The following DPP10 variants were observed in gnomAD, a reference collection of about 807,000 sequenced individuals.
DPP10 encodes inactive dipeptidyl peptidase 10.
DPP10 carries 33 observed loss-of-function variants against 120.9 expected under a neutral mutation model. That is an observed-to-expected ratio of 0.27 (90% CI 0.21 to 0.37). DPP10 has a LOEUF of 0.37. Among genes scored for constraint, DPP10 ranks in the 10% least tolerant of loss-of-function variants. The pLI, the probability that DPP10 is intolerant of heterozygous loss-of-function variation, is 1.00. For missense variants in DPP10, 816 were observed against 942.8 expected (o/e 0.87, Z 1.76); for synonymous variants, 337 against 326.1 (o/e 1.03, Z -0.36).
chr2:114,478,356 G>A (rs1422184024), intron 1 of DPP10, among the ~76,000 whole-genome samples: 6 of 151,948 alleles, frequency 3.9e-5, no homozygotes, highest in African/African-American at 1.5e-4. Flanking sequence ...TAATTTAACA[G>A]AATCTGATAT....
intron 1 of DPP10, among the ~76,000 whole-genome samples, chr2:114,518,064 T>A (rs1684748525): frequency 6.9e-6 from 1 of 144,110 alleles, no homozygotes; most frequent in South Asian, 2.2e-4. Flanking sequence ...TAGTATGAGC[T>A]ATTCATTTTT....
chr2:115,666,890 A>G (rs1451476776), intron 5 of DPP10, among the ~76,000 whole-genome samples: 1 of 152,074 alleles, frequency 6.6e-6, no homozygotes, highest in Non-Finnish European at 1.5e-5. Flanking sequence ...ATAAGCGTTC[A>G]CTTTTCTCTG....
intron 1 of DPP10, among the ~76,000 whole-genome samples, chr2:114,958,682 G>C (rs1284976893): frequency 6.6e-6 from 1 of 152,012 alleles, no homozygotes; most frequent in African/African-American, 2.4e-5. Context: ...AAATTAAATT[G>C]TTTTGATGGT....
intron 3 of DPP10, among the ~76,000 whole-genome samples, chr2:115,434,800 A>G (rs2071334581): frequency 6.6e-6 from 1 of 151,680 alleles, no homozygotes; most frequent in Non-Finnish European, 1.5e-5. Flanking sequence ...GCATTTTTGT[A>G]ACCATTAACC....
chr2:114,717,976 G>C (rs924948967), intron 1 of DPP10, among the ~76,000 whole-genome samples: 1 of 151,708 alleles, frequency 6.6e-6, no homozygotes. Context: ...TTGCTTAGTT[G>C]TATTTATTAC....
chr2:114,599,983 T>C (rs892041975), intron 1 of DPP10, among the ~76,000 whole-genome samples: 1 of 151,808 alleles, frequency 6.6e-6, no homozygotes, highest in Non-Finnish European at 1.5e-5. Context: ...TTTAGAAATA[T>C]GACTATTATG....
At chr2:115,209,201 T>A (rs1026277277) in intron 1 of DPP10, among the ~76,000 whole-genome samples, 17 of 152,268 alleles carry the variant, frequency 1.1e-4, no homozygotes, top group Admixed American at 7.2e-4. Flanking sequence ...ACATTCTCAG[T>A]TTCAGGAAGA....
intron 5 of DPP10, among the ~76,000 whole-genome samples, chr2:115,577,943 G>A (rs1426511134): frequency 6.6e-6 from 1 of 151,992 alleles, no homozygotes; most frequent in African/African-American, 2.4e-5. Flanking sequence ...AATTCTAGGG[G>A]GACACAATTC....
intron 13 of DPP10, 76 bp from the exon 14 acceptor site, chr2:115,777,132 C>T (rs1559140901): frequency 1.6e-6 from 2 of 1,277,776 alleles, no homozygotes; most frequent in Non-Finnish European, 2.2e-6. Flanking sequence ...GTGTCACAAG[C>T]AGTTGGTACA....
intron 5 of DPP10, among the ~76,000 whole-genome samples, chr2:115,618,865 C>T (rs2084724056): frequency 6.6e-6 from 1 of 151,796 alleles, no homozygotes; most frequent in Admixed American, 6.6e-5. Context: ...AGGATACACC[C>T]TTTGCTGGAG....
At chr2:114,831,872 A>AT (rs1687161796) in intron 1 of DPP10, among the ~76,000 whole-genome samples, 1 of 147,440 alleles carries the variant, frequency 6.8e-6, no homozygotes, top group East Asian at 1.9e-4. Context: ...ATATATATAT[A>AT]ATATATATGT....
rs866562220 is a variant in DPP10 at position 115,246,092 on chromosome 2, G to C, written c.61-63147G>C. On this transcript the variant is annotated intron_variant, in intron 1 of 25. Coordinates refer to ENST00000410059, the MANE Select transcript of DPP10 (RefSeq NM_020868.6). ...TGAAGAAGACTACTTTTGAAATAGA[G>C]TGATCTAATTTTTATATTTACTACC... Among the ~76,000 whole-genome samples the C allele has an allele frequency of 8.4e-4, 127 of 152,014 alleles. 1 individual carries two copies. Among genetic ancestry groups the C allele is most frequent in the African/African-American group, 2.8e-3 (118 of 41,462 alleles).
chr2:115,329,922 G>T (rs1349377690), intron 2 of DPP10, among the ~76,000 whole-genome samples: 2 of 152,152 alleles, frequency 1.3e-5, no homozygotes, highest in Non-Finnish European at 2.9e-5. Context: ...CTTTATAGCA[G>T]CATGATTTAT....
At chr2:115,592,599 A>C (rs970733324) in intron 5 of DPP10, among the ~76,000 whole-genome samples, 14 of 151,522 alleles carry the variant, frequency 9.2e-5, no homozygotes, top group East Asian at 1.9e-4. Context: ...CAAAAAAAAA[A>C]ACAAAAATTA....
chr2:115,788,962 C>CA (rs1262079785), intron 17 of DPP10, among the ~76,000 whole-genome samples: 1 of 151,756 alleles, frequency 6.6e-6, no homozygotes, highest in African/African-American at 2.4e-5. Context: ...ACTAAAAATA[C>CA]AAAAAATTAG....
intron 5 of DPP10, among the ~76,000 whole-genome samples, chr2:115,663,811 ATGG>A: frequency 6.6e-6 from 1 of 152,194 alleles, no homozygotes; most frequent in African/African-American, 2.4e-5. Context: ...CCTGATCAAC[ATGG>A]TGAAAACCCG....
intron 19 of DPP10, among the ~76,000 whole-genome samples, chr2:115,799,172 AGGCT>A (rs2149956872): frequency 6.6e-6 from 1 of 152,196 alleles, no homozygotes; most frequent in East Asian, 1.9e-4. Flanking sequence ...ACCTTGGGAA[AGGCT>A]GTGTCTGCGC....
At position 114,952,984 on chromosome 2, in the gene DPP10, T is replaced by C. The variant is rs571275061; in HGVS notation, c.61-356255T>C. Among the ~76,000 whole-genome samples the C allele has an allele frequency of 1.1e-3, 158 of 143,100 alleles. 1 individual carries two copies. Among genetic ancestry groups the C allele is most frequent in the Non-Finnish European group, 1.7e-3 (112 of 65,806 alleles). The allele number at this position is 143,100 out of a possible 152,430, so 93.9% of individuals were successfully genotyped here. On this transcript the variant is annotated intron_variant, in intron 1 of 25. Transcript: ENST00000410059. ...TAAGGCCAAACAGAGCTTGCTATTC[T>C]CTTTTGAGGCTTTTTTTTTTTCTGG... is the stretch of plus-strand genomic sequence containing the variant.
intron 1 of DPP10, among the ~76,000 whole-genome samples, chr2:115,073,229 G>C (rs2420886): frequency 0.9 from 136,560 of 152,314 alleles, 61,771 homozygotes; most frequent in Non-Finnish European, 0.96. Flanking sequence ...AATACATTCC[G>C]AAGAAAAACT....
Sources: gnomAD v4.1 joint callset for allele counts (sites outside exome capture counted in the v4.1 genomes callset) on GRCh38, gnomAD v4.1.1 for gene constraint, MANE v1.5 for transcripts, NCBI Gene and HGNC (gene_info 2026-07-23, HGNC 2026-07-21) for gene names.